VSIR: variants seen among roughly 807,000 people sequenced by gnomAD.
VSIR encodes the protein V-set immunoregulatory receptor.
In VSIR, 10 loss-of-function variants were observed where a neutral mutation model predicts 31.0. The ratio of observed to expected loss-of-function variants is 0.32; its 90% CI spans 0.20 to 0.55. The LOEUF (loss-of-function observed/expected upper bound fraction) is 0.55. Among genes scored for constraint, VSIR ranks in the 20% least tolerant of loss-of-function variants. The probability of loss-of-function intolerance (pLI) is 0.93; values close to 1 mark genes in which losing one functional copy is unlikely to be tolerated. For missense variants in VSIR, 356 were observed against 416.2 expected (o/e 0.86, Z 1.26); for synonymous variants, 179 against 180.1 (o/e 0.99, Z 0.05).
At chr10:71,771,699 C>T (rs1267918531) in intron 1 of VSIR, among the ~76,000 whole-genome samples, 1 of 152,224 alleles carries the variant, frequency 6.6e-6, no homozygotes, top group Non-Finnish European at 1.5e-5. Context: ...AGAGATGACC[C>T]TTTAGTATAC....
chr10:71,755,358 C>G lies in VSIR; in HGVS notation c.676+1G>C, dbSNP rs751673703. On this transcript the variant is annotated splice_donor_variant, in intron 4 of 6. Coordinates refer to ENST00000394957, the MANE Select transcript of VSIR (RefSeq NM_022153.2). LOFTEE classifies it high-confidence loss of function. ...CACCCCAGGCAGGGAGGAATACTCA[C>G]GGCGGTTGGAGGCTGCCTGCCTTTG... The G allele has an allele frequency of 1.9e-6, 3 of 1,602,778 alleles. No homozygotes were observed. The highest frequency in any genetic ancestry group is 1.7e-6 in the Non-Finnish European group (2 of 1,172,528).
intron 1 of VSIR, among the ~76,000 whole-genome samples, chr10:71,764,656 G>C (rs1372700284): frequency 6.6e-6 from 1 of 152,192 alleles, no homozygotes; most frequent in Non-Finnish European, 1.5e-5. Context: ...CAGTTCGCCA[G>C]AGTCCGTCCG....
chr10:71,760,311 A>G (rs1448571697), intron 3 of VSIR, among the ~76,000 whole-genome samples: 1 of 135,024 alleles, frequency 7.4e-6, no homozygotes, highest in East Asian at 2.1e-4. Flanking sequence ...GTATATACAC[A>G]CACATATATA....
At chr10:71,759,816 AAT>A (rs201264532) in intron 3 of VSIR, among the ~76,000 whole-genome samples, 1,497 of 30,986 alleles carry the variant, frequency 0.048, 273 homozygotes, top group South Asian at 0.081. Context: ...TGTTTCAGAA[AAT>A]ATACACACAC....
intron 1 of VSIR, among the ~76,000 whole-genome samples, chr10:71,771,239 C>T (rs1027457054): frequency 1.3e-5 from 2 of 152,182 alleles, no homozygotes; most frequent in Admixed American, 6.5e-5. Flanking sequence ...AAGTGTACCT[C>T]TCCACCCATC....
In VSIR at chr10:71,773,453, G is replaced by C. The variant is rs780684543; in HGVS notation, c.-14C>G. On this transcript the variant is annotated 5_prime_UTR_variant, in exon 1 of 7. Coordinates refer to ENST00000394957, the MANE Select transcript of VSIR (RefSeq NM_022153.2). ...GGGGACGCCCATGTCGCCGTCGGAC[G>C]CGCAGAGGAACTTCTGGTGCCGGGG... The C allele has an allele frequency of 6.3e-6, 10 of 1,582,746 alleles. No homozygotes were observed. In the East Asian group the frequency reaches 2.3e-4, roughly 36 times the overall value.
In VSIR at chr10:71,760,753, C is replaced by T. The variant is rs150052756; in HGVS notation, c.568+115G>A. ...TGCAGCAGCAGAAAAGGAGGAGGAC[C>T]GGGGGGTTCTGAGGGCTTGGGGTGA... On this transcript the variant is annotated intron_variant, in intron 3 of 6. Coordinates refer to ENST00000394957, the MANE Select transcript of VSIR (RefSeq NM_022153.2). 896 of 927,476 alleles carry T rather than the reference C, an allele frequency of 9.7e-4. 7 individuals are homozygous for T. In the African/African-American group the frequency reaches 0.011, roughly 12 times the overall value. The allele number at this position is 927,476 out of a possible 1,614,324, so 57.5% of individuals were successfully genotyped here.
In VSIR at chr10:71,759,998, CAT is replaced by C. The variant is rs1470059197; in HGVS notation, c.568+868_568+869del. On this transcript the variant is annotated intron_variant, in intron 3 of 6. Coordinates refer to ENST00000394957, the MANE Select transcript of VSIR (RefSeq NM_022153.2). ...ACACACACATATATATACACACACA[CAT>C]ACATATATATACACACACACATATA... Among the ~76,000 whole-genome samples, 6 of 49,560 alleles carry C rather than the reference CAT, an allele frequency of 1.2e-4. 2 individuals are homozygous for C. In the South Asian group the frequency reaches 2.9e-3, roughly 24 times the overall value. 32.5% of individuals were successfully genotyped at this position (49,560 alleles called of 152,430 possible). A position where few individuals can be genotyped will look rare whatever the true frequency, so the allele number is the denominator to read the frequency against.
intron 5 of VSIR, 158 bp from the exon 6 acceptor site, chr10:71,752,019 A>C: frequency 1.2e-6 from 1 of 849,436 alleles, no homozygotes; most frequent in Non-Finnish European, 1.9e-6. Flanking sequence ...CCAGGCCCAC[A>C]GAGCAAAGGC....
intron 1 of VSIR, among the ~76,000 whole-genome samples, chr10:71,764,947 A>T (rs139982457): frequency 8.5e-5 from 13 of 152,326 alleles, no homozygotes; most frequent in African/African-American, 3.1e-4. Flanking sequence ...GTGGAAAAGG[A>T]GCCCCAGGAA....
chr10:71,753,763 G>T (rs1360122845), intron 4 of VSIR: 1 of 456,396 alleles, frequency 2.2e-6, no homozygotes, highest in African/African-American at 2.0e-5. Context: ...TGATTACGAT[G>T]GGGAAACAGA....
chr10:71,762,386 C>T (rs1840418761), intron 1 of VSIR, among the ~76,000 whole-genome samples: 1 of 152,250 alleles, frequency 6.6e-6, no homozygotes, highest in Non-Finnish European at 1.5e-5. Context: ...AACAGCAGCT[C>T]CTTGTCCTTG....
At chr10:71,757,167 CT>C (rs1360772505) in intron 3 of VSIR, among the ~76,000 whole-genome samples, 1 of 152,264 alleles carries the variant, frequency 6.6e-6, no homozygotes, top group Non-Finnish European at 1.5e-5. Flanking sequence ...GCAAAGCACT[CT>C]CTTCTAGTGA....
At position 71,758,687 on chromosome 10, in the gene VSIR, C is replaced by A. The variant is rs1036794068; in HGVS notation, c.568+2181G>T. 2.6e-5 allele frequency among the ~76,000 whole-genome samples: 4 copies of A among 152,258 alleles called. No individual in the cohort carries two copies. In the East Asian group the frequency reaches 7.8e-4, roughly 30 times the overall value. On this transcript the variant is annotated intron_variant, in intron 3 of 6. Transcript: ENST00000394957. The stretch of plus-strand genomic sequence containing the variant: ...GCATACATCTCTAGGCCTCTCTTTC[C>A]ATGGATACAGAGAAGATGGTGATGC...
rs1839989860 is a variant in VSIR, at chr10:71,751,236, A to C, written c.*17T>G. ...GCCCCAGACCCAGCCACAACAGCCCACTGTCCCCCAGCTGGGCTAGATGAC... is the reference window on the plus strand; with the variant it reads ...GCCCCAGACCCAGCCACAACAGCCCCCTGTCCCCCAGCTGGGCTAGATGAC... On this transcript the variant is annotated 3_prime_UTR_variant, in exon 7 of 7. Transcript: ENST00000394957. This position sits in a 1 kb window ranked among gnomAD's most constrained non-coding sequence, Gnocchi z 4.9. The C allele has an allele frequency of 6.2e-7, 1 of 1,604,566 alleles. No homozygotes were observed. Among genetic ancestry groups the C allele is most frequent in the Non-Finnish European group, 8.5e-7 (1 of 1,174,934 alleles).
chr10:71,758,047 A>C (rs1415052509), intron 3 of VSIR, among the ~76,000 whole-genome samples: 6 of 152,170 alleles, frequency 3.9e-5, no homozygotes, highest in Admixed American at 2.6e-4. Context: ...AGAGGCTGGC[A>C]CTGGGGCTGG....
Position 71,761,518 on chromosome 10 carries a change from GCA to G in VSIR, c.511+78_511+79del, listed in dbSNP as rs139256346. On this transcript the variant is annotated intron_variant, in intron 2 of 6. Coordinates refer to ENST00000394957, the MANE Select transcript of VSIR (RefSeq NM_022153.2). Reference sequence around the variant, plus strand: ...CCCATGCAGCCTCACACTCTGCCCAGCACAGTGTCATGAATGGTCACACCATC... The same window carrying G: ...CCCATGCAGCCTCACACTCTGCCCAGCAGTGTCATGAATGGTCACACCATC... 8 of 1,436,402 alleles carry G rather than the reference GCA, an allele frequency of 5.6e-6. No individual in the cohort carries two copies. The East Asian group carries it at 1.5e-4, about 27-fold the overall frequency. 89.0% of individuals were successfully genotyped at this position (1,436,402 alleles called of 1,614,324 possible).
In VSIR at chr10:71,747,703, G is replaced by T. The variant is rs1009875598; in HGVS notation, c.*3550C>A. The T allele has an allele frequency of 6.6e-6, 1 of 152,282 alleles. No homozygotes were observed. Among genetic ancestry groups the T allele is most frequent in the Non-Finnish European group, 1.5e-5 (1 of 68,060 alleles). 9.4% of individuals were successfully genotyped at this position (152,282 alleles called of 1,614,324 possible). A position where few individuals can be genotyped will look rare whatever the true frequency, so the allele number is the denominator to read the frequency against. On this transcript the variant is annotated 3_prime_UTR_variant, in exon 7 of 7. Transcript: ENST00000394957. ...CAAACAAGTTACAACACATGTGAAAGTGTGTTGGAAAGCACCAAGTATTCT... is the reference window on the plus strand; with the variant it reads ...CAAACAAGTTACAACACATGTGAAATTGTGTTGGAAAGCACCAAGTATTCT...
intron 3 of VSIR, 129 bp from the exon 4 acceptor site, chr10:71,755,595 C>A (rs1018604919): frequency 7.5e-6 from 6 of 796,472 alleles, no homozygotes; most frequent in East Asian, 2.7e-5. Flanking sequence ...CACAGCTAGA[C>A]CCCCAGCAAC....
Sources: allele counts gnomAD v4.1 joint callset (sites outside exome capture counted in the v4.1 genomes callset), GRCh38; gene constraint gnomAD v4.1.1; non-coding constraint Gnocchi (gnomAD v3.1); transcripts MANE v1.5; gene names NCBI Gene and HGNC (gene_info 2026-07-23, HGNC 2026-07-21).